The following RBMS3 variants were observed in gnomAD, a reference collection of about 807,000 sequenced individuals.
RBMS3 encodes RNA binding motif single stranded interacting protein 3.
Under a neutral mutation model 66.8 loss-of-function variants are expected in RBMS3, and 27 were observed. The observed-to-expected ratio is 0.40, with a 90% confidence interval of 0.30 to 0.56. The LOEUF (loss-of-function observed/expected upper bound fraction) is 0.56, where lower values mean the gene tolerates loss of function less well. Among genes scored for constraint, RBMS3 ranks in the 20% least tolerant of loss-of-function variants. The pLI, the probability that RBMS3 is intolerant of heterozygous loss-of-function variation, is 0.40. For missense variants in RBMS3, 513 were observed against 549.5 expected (o/e 0.93, Z 0.66); for synonymous variants, 188 against 183.0 (o/e 1.03, Z -0.22).
chr3:29,406,995 T>C (rs1307128647), intron 1 of RBMS3, among the ~76,000 whole-genome samples: 2 of 152,212 alleles, frequency 1.3e-5, no homozygotes, highest in Non-Finnish European at 2.9e-5. Flanking sequence ...TTTAAGCTCA[T>C]ATTCATGAAA....
At chr3:29,679,555 G>T (rs887227746) in intron 4 of RBMS3, among the ~76,000 whole-genome samples, 1 of 152,086 alleles carries the variant, frequency 6.6e-6, no homozygotes, top group South Asian at 2.1e-4. Flanking sequence ...TTCCCTGTTT[G>T]TACAAGGAAA....
In RBMS3 at chr3:29,303,804, G is replaced by A. The variant is rs369486416; in HGVS notation, c.75+22048G>A. Among the ~76,000 whole-genome samples, 85 of 152,058 alleles carry A rather than the reference G, an allele frequency of 5.6e-4. 1 individual carries two copies. Among genetic ancestry groups the A allele is most frequent in the African/African-American group, 1.2e-3 (48 of 41,504 alleles). On this transcript the variant is annotated intron_variant, in intron 1 of 14. Transcript: ENST00000383767. The stretch of plus-strand genomic sequence containing the variant: ...TCACACTGTTGATACAGAGATAACC[G>A]ACACTGGGAAGAAAAAGAGGTTTAA...
At chr3:29,690,506 A>G (rs183849318) in intron 4 of RBMS3, among the ~76,000 whole-genome samples, 1 of 152,228 alleles carries the variant, frequency 6.6e-6, no homozygotes, top group African/African-American at 2.4e-5. Flanking sequence ...CTTCACCTCT[A>G]ATCAATTATC....
At chr3:29,923,378 C>T (rs539137043) in intron 10 of RBMS3, among the ~76,000 whole-genome samples, 54 of 152,140 alleles carry the variant, frequency 3.5e-4, no homozygotes, top group Non-Finnish European at 3.8e-4. Flanking sequence ...GCAAAAACAA[C>T]GTGCCTTTGA....
chr3:29,899,508 G>A (rs1162406688), intron 9 of RBMS3, among the ~76,000 whole-genome samples, 197 bp from the exon 10 acceptor site: 6 of 151,692 alleles, frequency 4.0e-5, no homozygotes, highest in Admixed American at 3.3e-4. Context: ...AGGGGAAGTT[G>A]CTTTACCTTT....
chr3:29,743,726 A>G (rs1205981773), intron 5 of RBMS3, among the ~76,000 whole-genome samples: 1 of 142,482 alleles, frequency 7.0e-6, no homozygotes, highest in Non-Finnish European at 1.5e-5. Flanking sequence ...AATTATTTGC[A>G]TTTCTTTTTT....
At chr3:29,417,032 A>G (rs1364167875) in intron 1 of RBMS3, among the ~76,000 whole-genome samples, 1 of 152,150 alleles carries the variant, frequency 6.6e-6, no homozygotes, top group African/African-American at 2.4e-5. Context: ...GTCTCTAGAT[A>G]ATTCTCCCTG....
At chr3:29,817,430 C>G (rs1006359552) in intron 6 of RBMS3, among the ~76,000 whole-genome samples, 2 of 152,054 alleles carry the variant, frequency 1.3e-5, no homozygotes, top group African/African-American at 4.8e-5. Flanking sequence ...ATCTCAAACT[C>G]CTGACCTCAG....
At chr3:29,439,654 A>G (rs546417649) in intron 2 of RBMS3, among the ~76,000 whole-genome samples, 57 of 151,774 alleles carry the variant, frequency 3.8e-4, no homozygotes, top group Non-Finnish European at 5.9e-4. Flanking sequence ...CATGTGCACA[A>G]TGTGCAGGTT....
rs541434766 is a variant in RBMS3, at chr3:29,677,518, T to C, written c.400-62202T>C. Among the ~76,000 whole-genome samples the C allele has an allele frequency of 1.5e-3, 232 of 152,284 alleles. 2 individuals are homozygous for C. Among genetic ancestry groups the C allele is most frequent in the African/African-American group, 5.3e-3 (220 of 41,548 alleles). On this transcript the variant is annotated intron_variant, in intron 4 of 14. Coordinates refer to ENST00000383767, the MANE Select transcript of RBMS3 (RefSeq NM_001003793.3). ...TTTTTAAAATTTGAATATTTTTGTT[T>C]GGTGTTATTTTTTTGAAAGCCTGTG...
intron 4 of RBMS3, among the ~76,000 whole-genome samples, chr3:29,618,109 G>T (rs2048730164): frequency 6.6e-6 from 1 of 152,092 alleles, no homozygotes; most frequent in Non-Finnish European, 1.5e-5. Context: ...GATAGAAGAT[G>T]GGGCTATTCA....
intron 3 of RBMS3, among the ~76,000 whole-genome samples, chr3:29,503,884 C>A (rs180758325): frequency 7.9e-5 from 12 of 152,132 alleles, no homozygotes; most frequent in Admixed American, 7.9e-4. Flanking sequence ...TTGACATTGC[C>A]AGAATTTTTG....
At chr3:29,604,114 G>A (rs114097669) in intron 4 of RBMS3, among the ~76,000 whole-genome samples, 2,591 of 151,964 alleles carry the variant, frequency 0.017, 83 homozygotes, top group African/African-American at 0.059. Context: ...ATAATGTCAA[G>A]GTTGAGAAAC....
At chr3:29,763,290 T>C (rs181978742) in intron 6 of RBMS3, among the ~76,000 whole-genome samples, 1 of 152,112 alleles carries the variant, frequency 6.6e-6, no homozygotes, top group East Asian at 1.9e-4. Context: ...TCAGCATTAA[T>C]ATTAAAATTC....
chr3:29,497,058 T>C (rs370608859), intron 3 of RBMS3, among the ~76,000 whole-genome samples: 93 of 152,166 alleles, frequency 6.1e-4, no homozygotes, highest in African/African-American at 2.2e-3. Context: ...AGTCTCACTC[T>C]GTCACCCAGG....
At chr3:29,574,928 C>G (rs1233165295) in intron 3 of RBMS3, among the ~76,000 whole-genome samples, 2 of 151,908 alleles carry the variant, frequency 1.3e-5, no homozygotes, top group African/African-American at 4.8e-5. Flanking sequence ...TGTTATTTCT[C>G]TTTATGTCTT....
At chr3:29,872,938 C>T (rs753293763) in intron 7 of RBMS3, among the ~76,000 whole-genome samples, 2 of 152,056 alleles carry the variant, frequency 1.3e-5, no homozygotes, top group East Asian at 1.9e-4. Context: ...TATTCTGTTC[C>T]GTTGGTCTAT....
At chr3:29,671,748 CAACA>C (rs1170605231) in intron 4 of RBMS3, among the ~76,000 whole-genome samples, 1 of 152,030 alleles carries the variant, frequency 6.6e-6, no homozygotes, top group Non-Finnish European at 1.5e-5. Context: ...GAGTAAAAAG[CAACA>C]AACAAAGCCT....
intron 14 of RBMS3, among the ~76,000 whole-genome samples, chr3:30,000,450 A>G (rs1472094894): frequency 6.6e-6 from 1 of 152,214 alleles, no homozygotes; most frequent in South Asian, 2.1e-4. Context: ...GGGAGTGTAA[A>G]TTAGTTCAAC....
Sources: gnomAD v4.1 joint callset for allele counts (sites outside exome capture counted in the v4.1 genomes callset) on GRCh38, gnomAD v4.1.1 for gene constraint, MANE v1.5 for transcripts, NCBI Gene and HGNC (gene_info 2026-07-23, HGNC 2026-07-21) for gene names.